IMMP2L: variants seen among roughly 807,000 people sequenced by gnomAD.
IMMP2L encodes the protein mitochondrial inner membrane protease subunit 2.
A neutral mutation model predicts 19.3 loss-of-function variants in IMMP2L; 18 were observed. The observed-to-expected ratio is 0.93, with a 90% CI of 0.64 to 1.38. The LOEUF (loss-of-function observed/expected upper bound fraction) is 1.38. Among genes scored for constraint, IMMP2L ranks in the 40% most tolerant of loss-of-function variants. The pLI is 0.00. For synonymous variants in IMMP2L, 76 were observed against 73.0 expected, an observed-to-expected ratio of 1.04 and a Z score of -0.21; for missense variants, 233 against 218.2, an observed-to-expected ratio of 1.07 and a Z score of -0.43.
In IMMP2L at chr7:110,758,420, T is replaced by C. The variant is rs554787631; in HGVS notation, c.409-94699A>G. 6.6e-6 allele frequency among the ~76,000 whole-genome samples: 1 copy of C among 152,154 alleles called. No homozygotes were observed. Among genetic ancestry groups the C allele is most frequent in the South Asian group, 2.1e-4 (1 of 4,822 alleles). On this transcript the variant is annotated intron_variant, in intron 5 of 5. Transcript: ENST00000405709. This position sits in a 1 kb window ranked among gnomAD's most constrained non-coding sequence, Gnocchi z 4.6. The stretch of plus-strand genomic sequence containing the variant: ...GATAACAAACAGCACGTTAGTATGC[T>C]ATTGGAAAAGATCTTATAGACAGGA...
intron 3 of IMMP2L, among the ~76,000 whole-genome samples, chr7:111,187,400 T>C (rs1366320293): frequency 6.6e-6 from 1 of 152,114 alleles, no homozygotes; most frequent in Non-Finnish European, 1.5e-5. Context: ...TTCAGGGCAA[T>C]ACCACCCAAG....
At chr7:111,210,115 G>A (rs1811155649) in intron 3 of IMMP2L, among the ~76,000 whole-genome samples, 1 of 152,066 alleles carries the variant, frequency 6.6e-6, no homozygotes, top group Non-Finnish European at 1.5e-5. Context: ...TTTCCAAATA[G>A]CTCCATTTGG....
rs1468234552 is a variant in IMMP2L, at chr7:111,562,444, C to CT, written c.-597_-596insA. 3.2e-4 allele frequency: 49 copies of CT among 151,494 alleles called. No individual in the cohort carries two copies. The highest frequency in any genetic ancestry group is 1.0e-4 in the Non-Finnish European group (7 of 67,998). The allele number at this position is 151,494 out of a possible 1,614,324, so 9.4% of individuals were successfully genotyped here. A position where few individuals can be genotyped will look rare whatever the true frequency, so the allele number is the denominator to read the frequency against. ...CAGCCCCCCACCCGCCGCCGGACGC[C>CT]GGGCGCCCGCCCTCCGCACCCGCTG... is the stretch of plus-strand genomic sequence containing the variant. On this transcript the variant is annotated 5_prime_UTR_variant, in exon 1 of 6. Transcript: ENST00000405709.
chr7:111,116,795 G>A (rs1799931411), intron 3 of IMMP2L, among the ~76,000 whole-genome samples: 1 of 152,104 alleles, frequency 6.6e-6, no homozygotes, highest in African/African-American at 2.4e-5. Context: ...TAACAAAAAA[G>A]GCAGTGCACC....
chr7:111,092,071 A>T (rs1796928990), intron 3 of IMMP2L, among the ~76,000 whole-genome samples: 1 of 152,254 alleles, frequency 6.6e-6, no homozygotes, highest in Admixed American at 6.5e-5. Flanking sequence ...GAGCTAAACC[A>T]CTAAGCAGAG....
At chr7:111,446,423 G>A (rs1032213723) in intron 3 of IMMP2L, among the ~76,000 whole-genome samples, 1 of 149,110 alleles carries the variant, frequency 6.7e-6, no homozygotes, top group African/African-American at 2.6e-5. Context: ...AGCCTAACTG[G>A]GAGGCAGCCC....
Position 111,442,879 on chromosome 7 carries a change from T to C in IMMP2L, c.239+44359A>G, listed in dbSNP as rs149604966. Among the ~76,000 whole-genome samples the C allele has an allele frequency of 2.2e-3, 337 of 151,938 alleles. 10 individuals are homozygous for C. Among genetic ancestry groups the C allele is most frequent in the African/African-American group, 7.6e-3 (314 of 41,274 alleles). ...AAGTACTGTGAATAAAAAATCCAAA[T>C]TGAGCTGGTTTGGACCTAGTTACAA... On this transcript the variant is annotated intron_variant, in intron 3 of 5. Transcript: ENST00000405709.
intron 2 of IMMP2L, among the ~76,000 whole-genome samples, chr7:111,517,417 G>T (rs552360205): frequency 2.4e-4 from 36 of 148,182 alleles, no homozygotes; most frequent in Non-Finnish European, 4.6e-4. Context: ...AAGGAAAATG[G>T]TACACTATGT....
chr7:111,059,878 C>T (rs1793858523), intron 3 of IMMP2L, among the ~76,000 whole-genome samples: 1 of 150,480 alleles, frequency 6.6e-6, no homozygotes, highest in African/African-American at 2.4e-5. Context: ...ATATCTTTGA[C>T]TTTACAGCAT....
rs1810796633 is a variant in IMMP2L at position 111,207,125 on chromosome 7, C to T, written c.240-243560G>A. On this transcript the variant is annotated intron_variant, in intron 3 of 5. Coordinates refer to ENST00000405709, the MANE Select transcript of IMMP2L (RefSeq NM_032549.4). ...TCCAGAGTCTCCATTTTAAAATCAGCATTAAGATACTGCCCTGGTTAGAAA... is the reference window on the plus strand; with the variant it reads ...TCCAGAGTCTCCATTTTAAAATCAGTATTAAGATACTGCCCTGGTTAGAAA... Among the ~76,000 whole-genome samples, 3 of 152,122 alleles carry T rather than the reference C, an allele frequency of 2.0e-5. No individual in the cohort carries two copies. The South Asian group carries it at 6.2e-4, about 31-fold the overall frequency.
At chr7:111,451,745 G>A (rs1357237843) in intron 3 of IMMP2L, among the ~76,000 whole-genome samples, 15 of 148,864 alleles carry the variant, frequency 1.0e-4, no homozygotes, top group African/African-American at 3.7e-4. Flanking sequence ...GGAAGAACAA[G>A]AGAATAAAGG....
At chr7:111,554,293 T>C (rs1640992735) in intron 1 of IMMP2L, among the ~76,000 whole-genome samples, 1 of 152,182 alleles carries the variant, frequency 6.6e-6, no homozygotes, top group African/African-American at 2.4e-5. Flanking sequence ...GATACGTCTA[T>C]ATGTAAACTG....
intron 3 of IMMP2L, among the ~76,000 whole-genome samples, chr7:111,324,620 TGTGTAATATAATGTTTAA>T (rs1293510798): frequency 1.3e-5 from 2 of 151,850 alleles, no homozygotes; most frequent in African/African-American, 4.8e-5. Flanking sequence ...TTCAAAATCA[TGTGTAATATAATGTTTAA>T]GTGTAATATA....
intron 3 of IMMP2L, among the ~76,000 whole-genome samples, chr7:111,119,626 A>C (rs1049483223): frequency 6.6e-6 from 1 of 152,236 alleles, no homozygotes; most frequent in Non-Finnish European, 1.5e-5. Flanking sequence ...AGATTTACTG[A>C]AATTAGAAAT....
intron 3 of IMMP2L, among the ~76,000 whole-genome samples, chr7:111,106,711 C>T (rs1242305221): frequency 6.8e-6 from 1 of 146,082 alleles, no homozygotes; most frequent in Non-Finnish European, 1.5e-5. Context: ...CTAGGATGCA[C>T]ATAAAAACTG....
At chr7:111,036,976 G>A (rs1791419095) in intron 3 of IMMP2L, among the ~76,000 whole-genome samples, 1 of 152,108 alleles carries the variant, frequency 6.6e-6, no homozygotes, top group Non-Finnish European at 1.5e-5. Flanking sequence ...GAAAAAATAA[G>A]CATATGAATG....
rs531805411 is a variant in IMMP2L at position 111,266,663 on chromosome 7, C to T, written c.239+220575G>A. Among the ~76,000 whole-genome samples, 19 of 152,134 alleles carry T rather than the reference C, an allele frequency of 1.2e-4. No homozygotes were observed. The South Asian group carries it at 2.1e-3, about 17-fold the overall frequency. Reference sequence around the variant, plus strand: ...ATTTCCCTCATCTATAAAATTGAGGCCTAACTGAACTTACATACACCCACT... The same window carrying T: ...ATTTCCCTCATCTATAAAATTGAGGTCTAACTGAACTTACATACACCCACT... On this transcript the variant is annotated intron_variant, in intron 3 of 5. Transcript: ENST00000405709.
At chr7:111,529,780 T>A (rs1469620499) in intron 1 of IMMP2L, among the ~76,000 whole-genome samples, 3 of 152,124 alleles carry the variant, frequency 2.0e-5, no homozygotes, top group African/African-American at 7.2e-5. Context: ...CTGATAAGCA[T>A]CTGGATACTA....
intron 3 of IMMP2L, among the ~76,000 whole-genome samples, chr7:111,316,391 T>C (rs1824082359): frequency 6.6e-6 from 1 of 152,146 alleles, no homozygotes; most frequent in South Asian, 2.1e-4. Context: ...AGAATATATT[T>C]CATTATGTTA....
Sources: gnomAD v4.1 joint callset for allele counts (sites outside exome capture counted in the v4.1 genomes callset) on GRCh38, gnomAD v4.1.1 for gene constraint, Gnocchi (gnomAD v3.1) non-coding constraint, MANE v1.5 for transcripts, NCBI Gene and HGNC (gene_info 2026-07-23, HGNC 2026-07-21) for gene names.